DIXDC1: variants seen among roughly 807,000 people sequenced by gnomAD.
DIXDC1 encodes DIX domain containing 1, also known as dixin.
A neutral mutation model predicts 103.1 loss-of-function variants in DIXDC1; 64 were observed. That is an observed-to-expected ratio of 0.62 (90% CI 0.51 to 0.76). The LOEUF is 0.76. Ranked by LOEUF, DIXDC1 falls within the 30% of genes least tolerant of loss-of-function variation. DIXDC1 has a pLI of 0.00. For synonymous variants in DIXDC1, 266 were observed against 298.5 expected, an observed-to-expected ratio of 0.89 and a Z score of 1.12; for missense variants, 759 against 834.2, an observed-to-expected ratio of 0.91 and a Z score of 1.11.
intron 14 of DIXDC1, among the ~76,000 whole-genome samples, chr11:111,994,122 C>G (rs1860799440): frequency 6.6e-6 from 1 of 152,212 alleles, no homozygotes; most frequent in African/African-American, 2.4e-5. Context: ...CACAGTGGCT[C>G]ACATCTGTAA....
At chr11:112,004,003 A>AT (rs772136448) in intron 17 of DIXDC1, among the ~76,000 whole-genome samples, 1 of 144,160 alleles carries the variant, frequency 6.9e-6, no homozygotes, top group Non-Finnish European at 1.5e-5. Flanking sequence ...ACATAAAAAA[A>AT]CCCCATCTTA....
intron 2 of DIXDC1, 93 bp from the exon 3 acceptor site, chr11:111,968,420 C>A: frequency 7.6e-7 from 1 of 1,318,402 alleles, no homozygotes; most frequent in South Asian, 1.4e-5. Flanking sequence ...TGTTGGTGTT[C>A]ACATCAAATC....
chr11:111,960,609 A>G (rs1362272144), intron 1 of DIXDC1, among the ~76,000 whole-genome samples: 1 of 146,662 alleles, frequency 6.8e-6, no homozygotes, highest in Non-Finnish European at 1.5e-5. Flanking sequence ...AAAAAAAAAA[A>G]GAAAAGAAAA....
chr11:111,989,972 A>G (rs1389450609), intron 10 of DIXDC1, among the ~76,000 whole-genome samples: 4 of 149,716 alleles, frequency 2.7e-5, no homozygotes, highest in African/African-American at 7.4e-5. Flanking sequence ...GTATTTTTTT[A>G]GTAGAGACGG....
intron 17 of DIXDC1, among the ~76,000 whole-genome samples, chr11:112,003,005 A>G (rs1861116392): frequency 6.6e-6 from 1 of 152,204 alleles, no homozygotes; most frequent in South Asian, 2.1e-4. Flanking sequence ...CAAGTACCAC[A>G]TGTTCTCTAC....
rs1024983816 is a variant in DIXDC1 at position 111,996,127 on chromosome 11, G to A, written c.1737G>A (p.Glu579=). ...CTCAAGTAGGTAGTGAATACCGGGAGTCCTGGCCCCCTAACTCAAGTAAGT... is the reference window on the plus strand; with the variant it reads ...CTCAAGTAGGTAGTGAATACCGGGAATCCTGGCCCCCTAACTCAAGTAAGT... ...PRTQVGSEYR[E]SWPPNSKLPH... is the part of the protein sequence containing the mutation. Residue 579 remains glutamate, a synonymous_variant, in exon 17 of 20, where the codon GAG becomes GAA. Transcript: ENST00000440460. 11 of 1,613,734 alleles carry A rather than the reference G, an allele frequency of 6.8e-6. No homozygotes were observed. Among genetic ancestry groups the A allele is most frequent in the Middle Eastern group, 3.3e-4 (2 of 6,054 alleles).
At chr11:111,963,920 C>T (rs928726443) in intron 1 of DIXDC1, among the ~76,000 whole-genome samples, 2 of 147,444 alleles carry the variant, frequency 1.4e-5, no homozygotes, top group Admixed American at 1.3e-4. Flanking sequence ...TAACCAGATC[C>T]TCTTTGACAA....
chr11:112,002,260 G>GA (rs58201567), intron 17 of DIXDC1, among the ~76,000 whole-genome samples: 171 of 136,694 alleles, frequency 1.3e-3, no homozygotes, highest in Middle Eastern at 3.8e-3. Context: ...GCAGGCATGT[G>GA]AAAAAAAAAA....
upstream of DIXDC1, among the ~76,000 whole-genome samples, chr11:111,936,811 C>T (rs1966201014): frequency 2.0e-5 from 3 of 151,988 alleles, no homozygotes; most frequent in Admixed American, 2.0e-4. Context: ...TTCCCACCCA[C>T]CTTCTGGTGG....
At chr11:111,979,391 T>A (rs1364208364) in intron 5 of DIXDC1, among the ~76,000 whole-genome samples, 4 of 152,204 alleles carry the variant, frequency 2.6e-5, no homozygotes, top group African/African-American at 9.6e-5. Flanking sequence ...GGTCAGTGAA[T>A]CCTAGCCACT....
chr11:112,003,385 T>C (rs1861128182), intron 17 of DIXDC1, among the ~76,000 whole-genome samples: 1 of 152,168 alleles, frequency 6.6e-6, no homozygotes, highest in South Asian at 2.1e-4. Flanking sequence ...AGGCAGAGGT[T>C]GCAGTGAGCT....
At chr11:112,009,284 A>G (rs587726619) in intron 17 of DIXDC1, among the ~76,000 whole-genome samples, 95 of 152,324 alleles carry the variant, frequency 6.2e-4, no homozygotes, top group African/African-American at 2.0e-3. Flanking sequence ...GAATAGACCA[A>G]TAACAGGTTC....
At position 112,017,976 on chromosome 11, in the gene DIXDC1, G is replaced by A; in HGVS notation, c.1971+91G>A. ...CAAGCACTAGTGTCCAGAAGTACAT[G>A]AGTTCCCTGACTAGGTCAGAAGAAT... On this transcript the variant is annotated intron_variant, in intron 19 of 19. Transcript: ENST00000440460. The surrounding 1 kb of genome is among the most constrained non-coding windows in gnomAD (Gnocchi z 4.0). The A allele has an allele frequency of 1.0e-6, 1 of 999,190 alleles. No homozygotes were observed. The allele number at this position is 999,190 out of a possible 1,614,324, so 61.9% of individuals were successfully genotyped here.
chr11:111,951,851 A>G (rs973939689), intron 1 of DIXDC1, among the ~76,000 whole-genome samples: 3 of 144,014 alleles, frequency 2.1e-5, no homozygotes, highest in African/African-American at 7.8e-5. Flanking sequence ...GTGATGTGGA[A>G]CTATAAGTCC....
chr11:111,993,573 T>G lies in DIXDC1; in HGVS notation c.1350T>G (p.Asp450Glu), dbSNP rs1860779542. 1 of 1,613,932 alleles carries G rather than the reference T, an allele frequency of 6.2e-7. No homozygotes were observed. The highest frequency in any genetic ancestry group is 1.3e-5 in the African/African-American group (1 of 74,936). The stretch of plus-strand genomic sequence containing the variant: ...AAGAAGCACTCCGGAAACTCTCTGA[T>G]GTCAGTTACCACCAGGTCAGAACAT... Reference protein sequence around the residue: ...KLEEALRKLSDVSYHQVDLER... With the variant: ...KLEEALRKLSEVSYHQVDLER... Residue 450 changes from aspartate to glutamate, a missense_variant, in exon 13 of 20, where the codon GAT becomes GAG. By Grantham distance (45) the Asp-to-Glu change is conservative. Around this residue, in one of 3 missense-constraint regions of DIXDC1, gnomAD observed 657 missense variants for 727.5 expected, o/e 0.90. Transcript: ENST00000440460.
At chr11:111,956,481 A>C (rs908307387) in intron 1 of DIXDC1, among the ~76,000 whole-genome samples, 4 of 152,184 alleles carry the variant, frequency 2.6e-5, no homozygotes, top group African/African-American at 9.7e-5. Flanking sequence ...CAGCAAAATA[A>C]ATAGTAATAA....
chr11:111,980,946 C>T, intron 6 of DIXDC1, 97 bp downstream of exon 6: 1 of 955,676 alleles, frequency 1.0e-6, no homozygotes, highest in Non-Finnish European at 1.6e-6. Context: ...CCTTCCCCAT[C>T]TCCATGGTCT....
At chr11:112,004,366 G>A (rs111496222) in intron 17 of DIXDC1, among the ~76,000 whole-genome samples, 31 of 152,182 alleles carry the variant, frequency 2.0e-4, no homozygotes, top group African/African-American at 6.3e-4. Context: ...CTGTGGAAGC[G>A]AAGTAAATCC....
intron 3 of DIXDC1, among the ~76,000 whole-genome samples, chr11:111,970,952 A>C (rs1364910114): frequency 6.6e-6 from 1 of 152,226 alleles, no homozygotes; most frequent in Non-Finnish European, 1.5e-5. Context: ...ATCCCTGTCT[A>C]TCACCTTTTG....
Sources: allele counts gnomAD v4.1 joint callset (sites outside exome capture counted in the v4.1 genomes callset), GRCh38; gene constraint gnomAD v4.1.1; regional missense constraint gnomAD v4.1.1; non-coding constraint Gnocchi (gnomAD v3.1); transcripts MANE v1.5; gene names NCBI Gene and HGNC (gene_info 2026-07-23, HGNC 2026-07-21).